Variants in ADAM18 observed in about 807,000 individuals in gnomAD.
The protein encoded by ADAM18 is disintegrin and metalloproteinase domain-containing protein 18.
ADAM18 carries 117 observed loss-of-function variants against 94.4 expected under a neutral mutation model. The ratio of observed to expected loss-of-function variants is 1.24; its 90% CI spans 1.07 to 1.45. The LOEUF (loss-of-function observed/expected upper bound fraction) is 1.45. Ranked by LOEUF, ADAM18 falls within the 40% of genes most tolerant of loss-of-function variation. The probability of loss-of-function intolerance (pLI) is 0.00; values close to 1 mark genes in which losing one functional copy is unlikely to be tolerated. For missense variants in ADAM18, 936 were observed against 880.0 expected, an observed-to-expected ratio of 1.06 and a Z score of -0.81; for synonymous variants, 327 against 291.6, an observed-to-expected ratio of 1.12 and a Z score of -1.24.
intron 18 of ADAM18, among the ~76,000 whole-genome samples, chr8:39,713,752 C>G (rs560156280): frequency 6.6e-6 from 1 of 152,032 alleles, no homozygotes; most frequent in African/African-American, 2.4e-5. Flanking sequence ...TATCATCTCA[C>G]ACCAGTTAGA....
chr8:39,621,153 C>T (rs2129578803), intron 6 of ADAM18, among the ~76,000 whole-genome samples: 1 of 151,880 alleles, frequency 6.6e-6, no homozygotes, highest in African/African-American at 2.4e-5. Context: ...ATAGACATGG[C>T]AAAAACAAAA....
chr8:39,602,754 T>C (rs1448187530), intron 2 of ADAM18, among the ~76,000 whole-genome samples: 12 of 141,948 alleles, frequency 8.5e-5, no homozygotes, highest in Non-Finnish European at 8.9e-5. Flanking sequence ...CTATAGCTTT[T>C]TTTCATTCTT....
intron 6 of ADAM18, among the ~76,000 whole-genome samples, chr8:39,615,110 A>G (rs1027551605): frequency 6.6e-6 from 1 of 152,142 alleles, no homozygotes; most frequent in African/African-American, 2.4e-5. Context: ...AATGGACCTA[A>G]CATACATCTA....
intron 7 of ADAM18, among the ~76,000 whole-genome samples, chr8:39,632,111 T>G (rs1585918556): frequency 6.6e-6 from 1 of 151,958 alleles, no homozygotes; most frequent in African/African-American, 2.4e-5. Flanking sequence ...ATTTTAATTT[T>G]TTTAATTTCA....
chr8:39,691,793 TTA>T (rs1413474716), intron 16 of ADAM18, among the ~76,000 whole-genome samples: 1 of 152,000 alleles, frequency 6.6e-6, no homozygotes, highest in Non-Finnish European at 1.5e-5. Flanking sequence ...GGATATCTTT[TTA>T]TTTTTTGCTG....
chr8:39,655,526 G>C (rs1349770440), intron 12 of ADAM18, among the ~76,000 whole-genome samples: 2 of 151,988 alleles, frequency 1.3e-5, no homozygotes, highest in Non-Finnish European at 1.5e-5. Context: ...TTTAAGAAAG[G>C]GTATCTGTAA....
At chr8:39,652,025 T>A (rs1820554264) in intron 12 of ADAM18, among the ~76,000 whole-genome samples, 1 of 151,988 alleles carries the variant, frequency 6.6e-6, no homozygotes, top group Admixed American at 6.6e-5. Flanking sequence ...TAGACTCTTG[T>A]CTCACAAAAT....
intron 6 of ADAM18, among the ~76,000 whole-genome samples, chr8:39,618,466 T>C (rs1483627389): frequency 6.6e-6 from 1 of 152,268 alleles, no homozygotes; most frequent in Admixed American, 6.5e-5. Context: ...TACAATATAG[T>C]GTGTGCATCA....
intron 17 of ADAM18, among the ~76,000 whole-genome samples, chr8:39,701,903 G>A (rs1018415523): frequency 5.3e-5 from 8 of 152,144 alleles, no homozygotes; most frequent in Non-Finnish European, 1.2e-4. Flanking sequence ...GGGCATTTAG[G>A]TTGATTCCAT....
chr8:39,723,200 T>C (rs1586017662), intron 18 of ADAM18, among the ~76,000 whole-genome samples: 1 of 151,454 alleles, frequency 6.6e-6, no homozygotes, highest in African/African-American at 2.4e-5. Context: ...AATATGCTTA[T>C]AGAATGTCAA....
chr8:39,624,765 G>A (rs1014639319), intron 6 of ADAM18, among the ~76,000 whole-genome samples: 2 of 152,072 alleles, frequency 1.3e-5, no homozygotes. Flanking sequence ...AGAGTTCTCA[G>A]GAGATCTGGT....
intron 17 of ADAM18, among the ~76,000 whole-genome samples, chr8:39,695,872 A>T (rs1350568345): frequency 2.6e-5 from 4 of 151,406 alleles, no homozygotes; most frequent in Non-Finnish European, 5.9e-5. Flanking sequence ...TGCTATGAAC[A>T]TTGGTATACA....
intron 14 of ADAM18, among the ~76,000 whole-genome samples, chr8:39,674,530 G>A (rs1821245670): frequency 6.6e-6 from 1 of 152,152 alleles, no homozygotes; most frequent in East Asian, 1.9e-4. Flanking sequence ...CATGTGAGAT[G>A]AGTCTCCTGA....
At chr8:39,641,914 C>T (rs961250475) in intron 10 of ADAM18, among the ~76,000 whole-genome samples, 8 of 152,098 alleles carry the variant, frequency 5.3e-5, no homozygotes, top group African/African-American at 1.9e-4. Context: ...ACAACCTCTC[C>T]AGCATCTGTT....
chr8:39,673,147 A>G (rs1007228909), intron 14 of ADAM18, among the ~76,000 whole-genome samples: 5 of 152,180 alleles, frequency 3.3e-5, no homozygotes, highest in African/African-American at 1.2e-4. Context: ...ATTCAATATG[A>G]TCCCTGCAGA....
chr8:39,699,522 G>A (rs1467625685), intron 17 of ADAM18, among the ~76,000 whole-genome samples: 1 of 152,130 alleles, frequency 6.6e-6, no homozygotes, highest in Non-Finnish European at 1.5e-5. Flanking sequence ...CAAGTGAGAT[G>A]TGTGGTGTTA....
At chr8:39,625,646 C>T (rs760286678) in intron 6 of ADAM18, among the ~76,000 whole-genome samples, 2 of 151,802 alleles carry the variant, frequency 1.3e-5, no homozygotes, top group Non-Finnish European at 2.9e-5. Flanking sequence ...GCTTTTTACC[C>T]ATTCAGTATG....
At chr8:39,687,061 A>G (rs1473207062) in intron 16 of ADAM18, among the ~76,000 whole-genome samples, 1 of 152,212 alleles carries the variant, frequency 6.6e-6, no homozygotes, top group African/African-American at 2.4e-5. Context: ...TTGCAGAAAT[A>G]CAGATATTAA....
intron 17 of ADAM18, among the ~76,000 whole-genome samples, chr8:39,693,111 T>C (rs889286445): frequency 4.0e-5 from 6 of 151,612 alleles, no homozygotes; most frequent in African/African-American, 1.2e-4. Flanking sequence ...AAGCTTTTTT[T>C]ATTTCTTCTG....
Sources: allele counts gnomAD v4.1 joint callset (sites outside exome capture counted in the v4.1 genomes callset), GRCh38; gene constraint gnomAD v4.1.1; transcripts MANE v1.5; gene names NCBI Gene and HGNC (gene_info 2026-07-23, HGNC 2026-07-21).